The following PVT1 variants were observed in gnomAD, a reference collection of about 807,000 sequenced individuals.
PVT1 encodes the protein CXCR4/PVT1 fusion.
At chr8:127,848,014 C>T (rs778688240) in intron 2 of PVT1, among the ~76,000 whole-genome samples, 1 of 151,970 alleles carries the variant, frequency 6.6e-6, no homozygotes, top group Non-Finnish European at 1.5e-5. Flanking sequence ...CTCTTGATTG[C>T]GTATCTTTGG....
intron 3 of PVT1, among the ~76,000 whole-genome samples, chr8:127,940,653 A>C (rs952990514): frequency 1.3e-5 from 2 of 151,312 alleles, no homozygotes; most frequent in Non-Finnish European, 2.9e-5. Flanking sequence ...CCCAGGCTGG[A>C]GTGCATGGTG....
intron 5 of PVT1, among the ~76,000 whole-genome samples, chr8:128,083,606 C>T (rs933409021): frequency 6.6e-6 from 1 of 152,238 alleles, no homozygotes; most frequent in Non-Finnish European, 1.5e-5. Flanking sequence ...GCTTGGGTCT[C>T]TCCTGGCAGC....
At chr8:127,812,509 A>G (rs1814609393) in intron 2 of PVT1, among the ~76,000 whole-genome samples, 1 of 151,518 alleles carries the variant, frequency 6.6e-6, no homozygotes, top group Non-Finnish European at 1.5e-5. Context: ...GCAGTGACCT[A>G]TGTTCCCACC....
chr8:127,795,527 G>A (rs1814385580), intron 1 of PVT1, among the ~76,000 whole-genome samples: 1 of 152,218 alleles, frequency 6.6e-6, no homozygotes, highest in African/African-American at 2.4e-5. Context: ...TTAGGGACAA[G>A]AGGATGAGGT....
At chr8:128,056,171 C>T (rs1813760132) in intron 4 of PVT1, among the ~76,000 whole-genome samples, 1 of 152,184 alleles carries the variant, frequency 6.6e-6, no homozygotes, top group Non-Finnish European at 1.5e-5. Context: ...GCTATGGGAC[C>T]TTAGGTGAGT....
intron 5 of PVT1, among the ~76,000 whole-genome samples, chr8:128,073,965 G>A (rs926346490): frequency 2.6e-5 from 4 of 152,106 alleles, no homozygotes; most frequent in African/African-American, 9.7e-5. Flanking sequence ...TCCTGGGATG[G>A]AAGGTGTCCT....
At position 127,890,349 on chromosome 8, in the gene PVT1, T is replaced by G. The variant is rs1207139818; in HGVS notation, n.373-240T>G. On this transcript the variant is annotated intron_variant and non_coding_transcript_variant, in intron 2 of 10. Coordinates refer to ENST00000651587, the Ensembl canonical transcript of PVT1. ...CTCCTCTCCCCTCTCAGGGTGCTCCTGAGGCTATGAGCAGCTGGCAGTTCC... is the reference window on the plus strand; with the variant it reads ...CTCCTCTCCCCTCTCAGGGTGCTCCGGAGGCTATGAGCAGCTGGCAGTTCC... 3.9e-5 allele frequency among the ~76,000 whole-genome samples: 6 copies of G among 152,232 alleles called. No homozygotes were observed. In the South Asian group the frequency reaches 6.2e-4, roughly 16 times the overall value.
chr8:127,844,301 G>C (rs904738754), intron 2 of PVT1, among the ~76,000 whole-genome samples: 9 of 152,184 alleles, frequency 5.9e-5, no homozygotes, highest in African/African-American at 2.2e-4. Flanking sequence ...GCCCAGTCCT[G>C]ATTGCAGCCT....
intron 3 of PVT1, among the ~76,000 whole-genome samples, chr8:127,926,976 C>T (rs1717680902): frequency 6.6e-6 from 1 of 152,238 alleles, no homozygotes. Context: ...CTTCCCTCCT[C>T]CGTTCATTCC....
In PVT1 at chr8:128,009,097, A is replaced by G. The variant is rs138407144; in HGVS notation, n.912+19806A>G. ...ATGAAGTATCCAAATATTAATTTTC[A>G]TAGATTAAAAGCAGATAAAGTATTA... On this transcript the variant is annotated intron_variant and non_coding_transcript_variant, in intron 4 of 10. Transcript: ENST00000651587. The G allele has an allele frequency of 4.2e-5, 11 of 262,966 alleles. No individual in the cohort carries two copies. The East Asian group carries it at 8.8e-4, about 21-fold the overall frequency. 16.3% of individuals were successfully genotyped at this position (262,966 alleles called of 1,614,324 possible). A position where few individuals can be genotyped will look rare whatever the true frequency, so the allele number is the denominator to read the frequency against.
chr8:128,090,182 T>A (rs978342619), intron 5 of PVT1, among the ~76,000 whole-genome samples: 2 of 152,144 alleles, frequency 1.3e-5, no homozygotes, highest in African/African-American at 4.8e-5. Flanking sequence ...GGGCCAGCAG[T>A]TTTCTATATT....
At chr8:128,094,571 T>A (rs1814401863) in intron 5 of PVT1, among the ~76,000 whole-genome samples, 2 of 152,182 alleles carry the variant, frequency 1.3e-5, no homozygotes, top group South Asian at 2.1e-4. Context: ...TACAAAAAAA[T>A]TTTGTGCTGA....
intron 3 of PVT1, among the ~76,000 whole-genome samples, chr8:127,910,403 G>A (rs1359824382): frequency 2.6e-5 from 4 of 152,144 alleles, no homozygotes; most frequent in African/African-American, 9.7e-5. Context: ...CTGCAAACTG[G>A]GGATCACAAT....
intron 5 of PVT1, among the ~76,000 whole-genome samples, chr8:128,093,152 A>C (rs758284217): frequency 6.6e-6 from 1 of 152,162 alleles, no homozygotes; most frequent in Non-Finnish European, 1.5e-5. Context: ...CTACCCTCAC[A>C]ATGCCTAAGC....
chr8:127,958,348 T>C (rs1454894108), intron 3 of PVT1, among the ~76,000 whole-genome samples: 1 of 152,124 alleles, frequency 6.6e-6, no homozygotes, highest in Non-Finnish European at 1.5e-5. Context: ...CAAGTGATTG[T>C]CCTGCCTCAG....
At chr8:127,894,228 C>T (rs1298772175) in intron 3 of PVT1, among the ~76,000 whole-genome samples, 10 of 152,096 alleles carry the variant, frequency 6.6e-5, no homozygotes, top group Admixed American at 5.2e-4. Flanking sequence ...CTGTTCCCCA[C>T]GGGGTGCCTG....
At chr8:128,049,721 C>T (rs974836831) in intron 4 of PVT1, among the ~76,000 whole-genome samples, 1 of 152,188 alleles carries the variant, frequency 6.6e-6, no homozygotes, top group African/African-American at 2.4e-5. Flanking sequence ...CCTTCCACTG[C>T]CTCCCTGCTG....
At chr8:128,071,549 G>A (rs1813992438) in intron 5 of PVT1, among the ~76,000 whole-genome samples, 1 of 151,752 alleles carries the variant, frequency 6.6e-6, no homozygotes. Context: ...AGCAGTTTTG[G>A]TGGCACATGC....
intron 2 of PVT1, among the ~76,000 whole-genome samples, chr8:127,847,567 G>A (rs1456645200): frequency 6.6e-6 from 1 of 152,294 alleles, no homozygotes; most frequent in East Asian, 1.9e-4. Flanking sequence ...GCAAAAGACT[G>A]GGAGTAACTC....
Sources: allele counts gnomAD v4.1 joint callset (sites outside exome capture counted in the v4.1 genomes callset), GRCh38; gene constraint gnomAD v4.1.1; transcripts MANE v1.5; gene names NCBI Gene and HGNC (gene_info 2026-07-23, HGNC 2026-07-21).